The following NRXN1 variants were observed in gnomAD, a reference collection of about 807,000 sequenced individuals.
The protein encoded by NRXN1 is neurexin 1.
A neutral mutation model predicts 150.9 loss-of-function variants in NRXN1; 39 were observed. The observed-to-expected ratio is 0.26, with a 90% CI of 0.20 to 0.34. The LOEUF (loss-of-function observed/expected upper bound fraction) is 0.34. NRXN1 is among the 10% of genes least tolerant of loss of function. The pLI, the probability that NRXN1 is intolerant of heterozygous loss-of-function variation, is 1.00. For synonymous variants in NRXN1, 924 were observed against 757.0 expected (o/e 1.22, Z -3.62); for missense variants, 1,815 against 1,949.9 (o/e 0.93, Z 1.30).
chr2:50,329,019 A>G (rs931186095), intron 17 of NRXN1, among the ~76,000 whole-genome samples: 3 of 152,188 alleles, frequency 2.0e-5, no homozygotes, highest in African/African-American at 7.2e-5. Flanking sequence ...GGTAGAAGAT[A>G]AGAAGGCTAG....
chr2:50,245,992 A>G (rs780368812), intron 17 of NRXN1, among the ~76,000 whole-genome samples: 3 of 151,966 alleles, frequency 2.0e-5, no homozygotes, highest in Non-Finnish European at 4.4e-5. Flanking sequence ...ATTATAATTC[A>G]CAAATCAAGG....
chr2:50,466,453 C>T, intron 16 of NRXN1: 1 of 474,242 alleles, frequency 2.1e-6, no homozygotes, highest in Non-Finnish European at 4.4e-6. Context: ...ACACACAGGG[C>T]TATCTACCTT....
chr2:50,701,310 T>C (rs544111087), intron 5 of NRXN1, among the ~76,000 whole-genome samples: 10 of 152,314 alleles, frequency 6.6e-5, no homozygotes, highest in African/African-American at 2.2e-4. Context: ...ATTATTATTA[T>C]ATTGACTCTT....
chr2:50,947,947 G>A (rs990767943), intron 2 of NRXN1, among the ~76,000 whole-genome samples: 1 of 151,704 alleles, frequency 6.6e-6, no homozygotes, highest in African/African-American at 2.4e-5. Flanking sequence ...CAGATAATAT[G>A]GTTCCTACCA....
At chr2:50,742,276 T>C (rs1043397153) in intron 5 of NRXN1, among the ~76,000 whole-genome samples, 23 of 151,684 alleles carry the variant, frequency 1.5e-4, no homozygotes, top group African/African-American at 4.8e-4. Flanking sequence ...TATATATATA[T>C]ACTCTTTTTT....
chr2:50,581,152 G>T (rs13391339), intron 8 of NRXN1, among the ~76,000 whole-genome samples: 303 of 152,200 alleles, frequency 2.0e-3, no homozygotes, highest in African/African-American at 7.1e-3. Context: ...AGTTCCCTAA[G>T]GACAGTGATT....
chr2:50,551,653 T>G (rs565972000), intron 9 of NRXN1, among the ~76,000 whole-genome samples: 1 of 152,168 alleles, frequency 6.6e-6, no homozygotes, highest in Non-Finnish European at 1.5e-5. Flanking sequence ...TAAGATCATT[T>G]GATTTATGTA....
chr2:50,533,685 C>T (rs186364216), intron 10 of NRXN1, among the ~76,000 whole-genome samples: 1 of 152,276 alleles, frequency 6.6e-6, no homozygotes, highest in East Asian at 1.9e-4. Context: ...ACCCTGGCCC[C>T]AGTCCATCTC....
chr2:50,363,506 G>A (rs1462605215), intron 17 of NRXN1, among the ~76,000 whole-genome samples: 1 of 152,188 alleles, frequency 6.6e-6, no homozygotes, highest in Non-Finnish European at 1.5e-5. Context: ...CATCATCACT[G>A]GTCATTAGAG....
chr2:50,715,775 C>T (rs1166289604), intron 5 of NRXN1, among the ~76,000 whole-genome samples: 3 of 152,272 alleles, frequency 2.0e-5, no homozygotes, highest in Non-Finnish European at 4.4e-5. Context: ...AACTCAAATG[C>T]CACTTCCTCT....
intron 17 of NRXN1, among the ~76,000 whole-genome samples, chr2:50,302,015 A>G (rs1054315954): frequency 1.3e-5 from 2 of 152,216 alleles, no homozygotes; most frequent in African/African-American, 2.4e-5. Context: ...AGTGGAATGG[A>G]AAAAGGGGAA....
chr2:50,264,501 C>T (rs1310279045), intron 17 of NRXN1, among the ~76,000 whole-genome samples: 1 of 151,988 alleles, frequency 6.6e-6, no homozygotes, highest in Non-Finnish European at 1.5e-5. Context: ...AAATGTCAGA[C>T]ATTCTCATCA....
chr2:50,237,951 G>C (rs1163549697), intron 17 of NRXN1, among the ~76,000 whole-genome samples: 2 of 151,910 alleles, frequency 1.3e-5, no homozygotes, highest in African/African-American at 2.4e-5. Flanking sequence ...ATAAGTGTTT[G>C]ACATTTCCTC....
chr2:50,455,709 T>C (rs1009260006), intron 17 of NRXN1, among the ~76,000 whole-genome samples: 3 of 152,304 alleles, frequency 2.0e-5, no homozygotes, highest in East Asian at 1.9e-4. Context: ...TCATCAAAGA[T>C]GGACCCCACA....
intron 18 of NRXN1, among the ~76,000 whole-genome samples, chr2:50,137,199 T>C (rs559904161): frequency 1.5e-4 from 23 of 152,240 alleles, no homozygotes; most frequent in Non-Finnish European, 2.8e-4. Context: ...CATAAACATA[T>C]AATATATAAA....
chr2:50,136,843 T>C (rs1475493802), intron 18 of NRXN1, among the ~76,000 whole-genome samples: 1 of 152,192 alleles, frequency 6.6e-6, no homozygotes, highest in South Asian at 2.1e-4. Flanking sequence ...AATAAACATA[T>C]GACTATCCAT....
At chr2:51,012,229 T>A (rs533510409) in intron 2 of NRXN1, among the ~76,000 whole-genome samples, 73 of 152,140 alleles carry the variant, frequency 4.8e-4, no homozygotes, top group East Asian at 5.8e-4. Context: ...AGTCTTTTTT[T>A]AAAAAAACTT....
chr2:50,342,210 G>A (rs1445480689), intron 17 of NRXN1, among the ~76,000 whole-genome samples: 1 of 152,062 alleles, frequency 6.6e-6, no homozygotes. Flanking sequence ...TTAAAGTTTT[G>A]GGCAACCAAA....
intron 5 of NRXN1, among the ~76,000 whole-genome samples, chr2:50,906,765 A>T (rs1377147795): frequency 6.6e-6 from 1 of 152,052 alleles, no homozygotes; most frequent in Non-Finnish European, 1.5e-5. Flanking sequence ...AAATGTGTCT[A>T]CCTATGCTAG....
Sources: allele counts gnomAD v4.1 joint callset (sites outside exome capture counted in the v4.1 genomes callset), GRCh38; gene constraint gnomAD v4.1.1; transcripts MANE v1.5; gene names NCBI Gene and HGNC (gene_info 2026-07-23, HGNC 2026-07-21).